The following SNX5 variants were observed in gnomAD, a reference collection of about 807,000 sequenced individuals.
SNX5 encodes sorting nexin-5.
In SNX5, 31 loss-of-function variants were observed where a neutral mutation model predicts 53.9. The observed-to-expected ratio is 0.58, with a 90% CI of 0.43 to 0.78. SNX5 has a LOEUF of 0.78. Ranked by LOEUF, SNX5 falls within the 30% of genes least tolerant of loss-of-function variation. The probability of loss-of-function intolerance (pLI) is 0.00; values close to 1 mark genes in which losing one functional copy is unlikely to be tolerated. For synonymous variants in SNX5, 168 were observed against 171.1 expected (o/e 0.98, Z 0.14); for missense variants, 471 against 478.8 (o/e 0.98, Z 0.15).
chr20:17,943,336 TGTGACTGGGACA>T, intron 11 of SNX5, 141 bp from the exon 12 acceptor site: 1 of 667,472 alleles, frequency 1.5e-6, no homozygotes, highest in South Asian at 1.7e-5. Flanking sequence ...GTATTATCTC[TGTGACTGGGACA>T]CATCAGACAT....
chr20:17,966,897 A>G (rs1435237490), intron 1 of SNX5, among the ~76,000 whole-genome samples: 1 of 152,214 alleles, frequency 6.6e-6, no homozygotes, highest in East Asian at 1.9e-4. Flanking sequence ...GCATCAGCAG[A>G]GATCAGAAAA....
chr20:17,950,724 G>C (rs1427860956), intron 6 of SNX5, among the ~76,000 whole-genome samples: 1 of 152,216 alleles, frequency 6.6e-6, no homozygotes, highest in African/African-American at 2.4e-5. Context: ...CTATCTGTGT[G>C]TGAATGAGGT....
chr20:17,959,458 T>G (rs1420045895), intron 1 of SNX5, among the ~76,000 whole-genome samples: 1 of 119,870 alleles, frequency 8.3e-6, no homozygotes, highest in Non-Finnish European at 1.7e-5. Flanking sequence ...ATATCAAACA[T>G]CCGAGGTTCA....
chr20:17,965,723 T>G (rs945870916), intron 1 of SNX5, among the ~76,000 whole-genome samples: 13 of 147,704 alleles, frequency 8.8e-5, no homozygotes, highest in Non-Finnish European at 3.0e-5. Context: ...GCCAAAATAA[T>G]GTGAACAGAT....
chr20:17,962,798 CCAACACACAAGCAGTTCA>C (rs758239903), intron 1 of SNX5: 1 of 519,066 alleles, frequency 1.9e-6, no homozygotes, highest in African/African-American at 1.9e-5. Flanking sequence ...CGGTAGCCTG[CCAACACACAAGCAGTTCA>C]CAGTAGAACA....
intron 1 of SNX5, chr20:17,961,265 C>T: frequency 1.0e-6 from 1 of 985,424 alleles, no homozygotes; most frequent in Non-Finnish European, 1.2e-6. Context: ...TACGACTCTA[C>T]CAGCAAAGCT....
At chr20:17,956,673 CAAAAAAAAAAAAAAAAAAA>C (rs59252584) in intron 2 of SNX5, among the ~76,000 whole-genome samples, 7 of 84,884 alleles carry the variant, frequency 8.2e-5, no homozygotes, top group Non-Finnish European at 1.3e-4. Context: ...AGACTGTCTC[CAAAAAAAAAAAAAAAAAAA>C]AAAAAAAAAA....
At chr20:17,961,470 A>C (rs1334628366) in intron 1 of SNX5, 1 of 985,264 alleles carries the variant, frequency 1.0e-6, no homozygotes, top group Admixed American at 6.1e-5. Flanking sequence ...AAACTCCACA[A>C]TCTCTGATCT....
At chr20:17,950,012 T>C (rs1423337712) in intron 8 of SNX5, 120 bp downstream of exon 8, 1 of 784,530 alleles carries the variant, frequency 1.3e-6, no homozygotes, top group Non-Finnish European at 2.1e-6. Flanking sequence ...TAGAGACTTG[T>C]CTTACTGAGC....
rs1213331584 is a variant in SNX5 at position 17,968,602 on chromosome 20, A to G, written c.-177T>C. The stretch of plus-strand genomic sequence containing the variant: ...CCGCCACCATCCCAGCTGCCCCGGG[A>G]GCAGGCGAGCAGGGCGCCACGTGCT... On this transcript the variant is annotated 5_prime_UTR_variant, in exon 1 of 13. Coordinates refer to ENST00000377759, the MANE Select transcript of SNX5 (RefSeq NM_014426.4). The G allele has an allele frequency of 4.7e-6, 3 of 633,510 alleles. No homozygotes were observed. Among genetic ancestry groups the G allele is most frequent in the Non-Finnish European group, 8.4e-6 (3 of 358,168 alleles). The allele number at this position is 633,510 out of a possible 1,614,324, so 39.2% of individuals were successfully genotyped here. A position where few individuals can be genotyped will look rare whatever the true frequency, so the allele number is the denominator to read the frequency against.
intron 1 of SNX5, among the ~76,000 whole-genome samples, chr20:17,964,983 C>T (rs1304902349): frequency 6.6e-6 from 1 of 152,176 alleles, no homozygotes; most frequent in Non-Finnish European, 1.5e-5. Flanking sequence ...TAAGGTTCCT[C>T]AGTATTAGTG....
intron 1 of SNX5, chr20:17,967,847 A>G: frequency 2.6e-6 from 1 of 391,484 alleles, no homozygotes; most frequent in Non-Finnish European, 4.5e-6. Flanking sequence ...AAAATTACAC[A>G]ACTCCCACAA....
intron 5 of SNX5, 37 bp downstream of exon 5, chr20:17,952,550 T>C: frequency 6.3e-7 from 1 of 1,594,974 alleles, no homozygotes; most frequent in Non-Finnish European, 8.6e-7. Flanking sequence ...TATAAACATT[T>C]GAAGTGGATT....
chr20:17,952,502 C>CT, intron 5 of SNX5, 85 bp downstream of exon 5: 1 of 1,339,582 alleles, frequency 7.5e-7, no homozygotes, highest in East Asian at 2.4e-5. Context: ...AAATTCAAAA[C>CT]TTTAAAGCAG....
At chr20:17,962,910 G>A (rs191342829) in intron 1 of SNX5, 34 of 518,858 alleles carry the variant, frequency 6.6e-5, no homozygotes, top group African/African-American at 4.6e-4. Flanking sequence ...TCAGTGCAGC[G>A]CACTCAGCGA....
At chr20:17,945,939 A>G (rs1011807074) in intron 11 of SNX5, among the ~76,000 whole-genome samples, 1 of 152,160 alleles carries the variant, frequency 6.6e-6, no homozygotes, top group African/African-American at 2.4e-5. Context: ...TCATGGAAAC[A>G]CGCGTTAGGG....
At chr20:17,962,584 TTC>T in intron 1 of SNX5, 2 of 343,942 alleles carry the variant, frequency 5.8e-6, no homozygotes, top group Non-Finnish European at 1.1e-5. Flanking sequence ...GCAATATAAT[TTC>T]TTAGTCCCCC....
chr20:17,957,171 CA>C (rs924337762), intron 1 of SNX5, 134 bp from the exon 2 acceptor site: 4 of 649,308 alleles, frequency 6.2e-6, no homozygotes, highest in African/African-American at 5.3e-5. Context: ...CGCGGCGGCT[CA>C]CCCCTGTAAT....
chr20:17,962,046 T>C, intron 1 of SNX5: 3 of 922,442 alleles, frequency 3.3e-6, no homozygotes, highest in Non-Finnish European at 3.9e-6. Context: ...CAGGAAACAA[T>C]GTTCCCATTG....
Sources: allele counts gnomAD v4.1 joint callset (sites outside exome capture counted in the v4.1 genomes callset), GRCh38; gene constraint gnomAD v4.1.1; transcripts MANE v1.5; gene names NCBI Gene and HGNC (gene_info 2026-07-23, HGNC 2026-07-21).